Variants in DDX31 observed in about 807,000 individuals in gnomAD.
DDX31 encodes the protein ATP-dependent DNA helicase DDX31.
In DDX31, 70 loss-of-function variants were observed where a neutral mutation model predicts 91.3. The observed-to-expected ratio is 0.77, with a 90% CI of 0.63 to 0.94. The LOEUF (loss-of-function observed/expected upper bound fraction) is 0.94. Ranked by LOEUF, DDX31 falls within the 40% of genes least tolerant of loss-of-function variation. The probability of loss-of-function intolerance (pLI) is 0.00; values close to 1 mark genes in which losing one functional copy is unlikely to be tolerated. For missense variants in DDX31, 902 were observed against 925.0 expected (o/e 0.98, Z 0.32); for synonymous variants, 362 against 350.6 (o/e 1.03, Z -0.36).
At chr9:132,651,952 C>T (rs1440143325) in intron 7 of DDX31, among the ~76,000 whole-genome samples, 1 of 151,960 alleles carries the variant, frequency 6.6e-6, no homozygotes, top group African/African-American at 2.4e-5. Flanking sequence ...GATATAGAAA[C>T]CACATACCCT....
rs1413926404 is a variant in DDX31 at position 132,595,111 on chromosome 9, G to C, written c.1996C>G (p.Pro666Ala). Residue 666 changes from proline to alanine, a missense_variant and splice_region_variant, in exon 20 of 20, where the codon CCT becomes GCT. Transcript: ENST00000372159. The surrounding 1 kb of genome is among the most constrained non-coding windows in gnomAD (Gnocchi z 4.6). ...CTCTGGGTCTTCTTATGAAGGTCAG[G>C]CCTGAAGAACAGTAACAGCAGAGAG... ...RKKRKAHVKR[P>A]DLHKKTQSKH... 1 of 1,612,704 alleles carries C rather than the reference G, an allele frequency of 6.2e-7. No homozygotes were observed. The highest frequency in any genetic ancestry group is 1.1e-5 in the South Asian group (1 of 91,062).
rs754824448 is a variant in DDX31 at position 132,650,195 on chromosome 9, A to G, written c.740+39T>C. Reference sequence around the variant, plus strand: ...CTTACTGAATAGGAAGGCAGGACACATTCAAGAAGGAAACAACAACCAACA... The same window carrying G: ...CTTACTGAATAGGAAGGCAGGACACGTTCAAGAAGGAAACAACAACCAACA... On this transcript the variant is annotated intron_variant, in intron 9 of 19. Transcript: ENST00000372159. 4 of 1,599,344 alleles carry G rather than the reference A, an allele frequency of 2.5e-6. No individual in the cohort carries two copies. The Admixed American group carries it at 5.0e-5, about 20-fold the overall frequency.
chr9:132,628,709 G>C (rs781692916), intron 16 of DDX31, among the ~76,000 whole-genome samples: 1 of 152,212 alleles, frequency 6.6e-6, no homozygotes, highest in Non-Finnish European at 1.5e-5. Flanking sequence ...AAGTGAACGA[G>C]CATGGGGGAA....
At chr9:132,657,406 A>C (rs1179541681) in intron 6 of DDX31, among the ~76,000 whole-genome samples, 1 of 152,018 alleles carries the variant, frequency 6.6e-6, no homozygotes, top group Non-Finnish European at 1.5e-5. Flanking sequence ...GCCTGAAACA[A>C]TACTACTGTG....
intron 19 of DDX31, among the ~76,000 whole-genome samples, chr9:132,604,595 C>A (rs944509025): frequency 6.6e-6 from 1 of 152,148 alleles, no homozygotes; most frequent in Non-Finnish European, 1.5e-5. Context: ...CAGGGACTGT[C>A]CCTGGGTCAA....
At chr9:132,657,383 TATG>T (rs549370610) in intron 6 of DDX31, among the ~76,000 whole-genome samples, 20 of 152,234 alleles carry the variant, frequency 1.3e-4, no homozygotes, top group Non-Finnish European at 2.5e-4. Context: ...TTTTAGCATC[TATG>T]ATAACTCACG....
Position 132,630,319 on chromosome 9 carries a change from T to C in DDX31, c.1576A>G (p.Ile526Val). 1 of 1,598,926 alleles carries C rather than the reference T, an allele frequency of 6.3e-7. No individual in the cohort carries two copies. Among genetic ancestry groups the C allele is most frequent in the Non-Finnish European group, 8.6e-7 (1 of 1,167,668 alleles). Residue 526 changes from isoleucine (I) to valine (V), a missense_variant, in exon 16 of 20, where the codon ATT (isoleucine) becomes GTT (valine). Ile to Val is a conservative substitution (Grantham distance 29). Transcript: ENST00000372159. The stretch of plus-strand genomic sequence containing the variant: ...TATTCTGCCTCCGAAGGAGCCAAAA[T>C]GAGCAGGCTGCTCCCATGGCAGCCA... ...RIGCHGSSLL[I>V]LAPSEAEYVN...
intron 18 of DDX31, 97 bp from the exon 19 acceptor site, chr9:132,612,352 CCAGGCAACGAAACATGAG>C: frequency 7.1e-7 from 1 of 1,408,310 alleles, no homozygotes; most frequent in Non-Finnish European, 9.9e-7. Context: ...CTTTATCTTG[CCAGGCAACGAAACATGAG>C]CAGGACAATT....
At chr9:132,651,557 A>G (rs1384697565) in intron 7 of DDX31, among the ~76,000 whole-genome samples, 1 of 152,238 alleles carries the variant, frequency 6.6e-6, no homozygotes, top group Non-Finnish European at 1.5e-5. Context: ...TCAAGGAGCG[A>G]TGACTGTATT....
rs534941630 is a variant in DDX31, at chr9:132,633,308, G to C, written c.1441-1217C>G. Among the ~76,000 whole-genome samples the C allele has an allele frequency of 2.6e-5, 4 of 152,248 alleles. No homozygotes were observed. In the South Asian group the frequency reaches 8.3e-4, roughly 32 times the overall value. Reference sequence around the variant, plus strand: ...ATGGCAGGGAATTGGGTAGTATCTAGCAAAATTACATGTGCATTTGCTCTT... The same window carrying C: ...ATGGCAGGGAATTGGGTAGTATCTACCAAAATTACATGTGCATTTGCTCTT... On this transcript the variant is annotated intron_variant, in intron 14 of 19. Coordinates refer to ENST00000372159, the MANE Select transcript of DDX31 (RefSeq NM_022779.9).
chr9:132,615,014 G>A (rs1831550659), intron 18 of DDX31, among the ~76,000 whole-genome samples: 1 of 152,068 alleles, frequency 6.6e-6, no homozygotes, highest in South Asian at 2.1e-4. Flanking sequence ...TGGCAGCGTC[G>A]AGAATGTGCA....
chr9:132,652,350 G>A, intron 7 of DDX31, 98 bp downstream of exon 7: 1 of 1,379,756 alleles, frequency 7.2e-7, no homozygotes, highest in South Asian at 1.3e-5. Context: ...GCAGTGGCTT[G>A]TGCAGTAGGG....
intron 17 of DDX31, among the ~76,000 whole-genome samples, chr9:132,619,073 T>C (rs1831825428): frequency 6.6e-6 from 1 of 152,202 alleles, no homozygotes; most frequent in Non-Finnish European, 1.5e-5. Context: ...GCCTGGATCT[T>C]TGCAGCAAAT....
chr9:132,661,233 C>T lies in DDX31; in HGVS notation c.427G>A (p.Val143Ile), dbSNP rs1834919502. The change falls in exon 4 of 20, where the codon GTC becomes ATC. Residue 143 changes from valine to isoleucine, a missense_variant. Coordinates refer to ENST00000372159, the MANE Select transcript of DDX31 (RefSeq NM_022779.9). Reference sequence around the variant, plus strand: ...CTGGTCATACTAGACATTTTTAAGACCGTATTTATTGTGGAAATCTAAAAG... The same window carrying T: ...CTGGTCATACTAGACATTTTTAAGATCGTATTTATTGTGGAAATCTAAAAG... ...HPHLISTINT[V>I]LKMSSMTSVQ... The T allele has an allele frequency of 3.1e-6, 5 of 1,608,012 alleles. No individual in the cohort carries two copies. In the South Asian group the frequency reaches 5.5e-5, roughly 18 times the overall value.
At chr9:132,623,275 A>C in intron 17 of DDX31, among the ~76,000 whole-genome samples, 1 of 149,720 alleles carries the variant, frequency 6.7e-6, no homozygotes, top group Non-Finnish European at 1.5e-5. Context: ...GGTCCAGTCC[A>C]GGCCGGGTGC....
intron 19 of DDX31, among the ~76,000 whole-genome samples, chr9:132,608,295 G>C (rs963551050): frequency 6.6e-6 from 1 of 152,194 alleles, no homozygotes; most frequent in Non-Finnish European, 1.5e-5. Flanking sequence ...GACTATGACT[G>C]TATTTCTATG....
intron 12 of DDX31, 127 bp downstream of exon 12, chr9:132,646,696 C>G (rs1833859830): frequency 2.4e-6 from 2 of 833,384 alleles, no homozygotes; most frequent in Non-Finnish European, 3.9e-6. Context: ...AAGTCTGCAT[C>G]CGGAATGCAG....
intron 11 of DDX31, among the ~76,000 whole-genome samples, chr9:132,647,382 G>A (rs1833907229): frequency 6.6e-6 from 1 of 152,108 alleles, no homozygotes; most frequent in Admixed American, 6.5e-5. Flanking sequence ...GATTTCAAAG[G>A]TTTCACAAAA....
intron 18 of DDX31, among the ~76,000 whole-genome samples, chr9:132,613,129 G>A (rs1025382520): frequency 6.6e-6 from 1 of 151,990 alleles, no homozygotes; most frequent in Non-Finnish European, 1.5e-5. Context: ...TGGTCCTCCC[G>A]CCTCAGCCTC....
Sources: gnomAD v4.1 joint callset for allele counts (sites outside exome capture counted in the v4.1 genomes callset) on GRCh38, gnomAD v4.1.1 for gene constraint, Gnocchi (gnomAD v3.1) non-coding constraint, MANE v1.5 for transcripts, NCBI Gene and HGNC (gene_info 2026-07-23, HGNC 2026-07-21) for gene names.